PCDH15: variants seen among roughly 807,000 people sequenced by gnomAD.
The protein encoded by PCDH15 is protocadherin related 15.
In PCDH15, 129 loss-of-function variants were observed where a neutral mutation model predicts 178.5. That is an observed-to-expected ratio of 0.72 (90% CI 0.63 to 0.84). PCDH15 has a LOEUF of 0.84. Among genes scored for constraint, PCDH15 ranks in the 40% least tolerant of loss-of-function variants. The pLI, the probability that PCDH15 is intolerant of heterozygous loss-of-function variation, is 0.00. For synonymous variants in PCDH15, 800 were observed against 732.0 expected (o/e 1.09, Z -1.50); for missense variants, 2,230 against 2,099.9 (o/e 1.06, Z -1.21).
At chr10:55,022,980 C>A (rs1209365507) in intron 2 of PCDH15, among the ~76,000 whole-genome samples, 8 of 151,878 alleles carry the variant, frequency 5.3e-5, no homozygotes, top group Admixed American at 5.2e-4. Context: ...CTTGCTCTGT[C>A]GCCCAGGCTG....
chr10:55,367,137 C>G lies in PCDH15; in HGVS notation c.-155-200486G>C, dbSNP rs147175831. 4.4e-3 allele frequency among the ~76,000 whole-genome samples: 665 copies of G among 152,104 alleles called. 1 individual carries two copies. Among genetic ancestry groups the G allele is most frequent in the Non-Finnish European group, 7.4e-3 (503 of 67,984 alleles). ...GAGGTTTTCCCCTCTTCTTCCTTCC[C>G]TCTCCCATATTTTCTCATTTGGAGC... On this transcript the variant is annotated intron_variant, in intron 2 of 5. Transcript: ENST00000613346.
intron 1 of PCDH15, among the ~76,000 whole-genome samples, chr10:55,185,366 T>C (rs1365632626): frequency 2.0e-5 from 3 of 151,738 alleles, no homozygotes; most frequent in Admixed American, 2.0e-4. Flanking sequence ...TTATTGAAAC[T>C]TTCTATAAAC....
intron 2 of PCDH15, among the ~76,000 whole-genome samples, chr10:55,066,797 T>A (rs1014302779): frequency 9.3e-5 from 14 of 151,314 alleles, no homozygotes; most frequent in African/African-American, 3.1e-4. Flanking sequence ...TTTAATTTAT[T>A]AATTTATAAA....
chr10:55,494,367 A>C (rs1490561594), intron 2 of PCDH15, among the ~76,000 whole-genome samples: 1 of 151,708 alleles, frequency 6.6e-6, no homozygotes, highest in Non-Finnish European at 1.5e-5. Context: ...TGAGTCTAGA[A>C]TGTGTCCCCT....
intron 9 of PCDH15, among the ~76,000 whole-genome samples, chr10:54,230,823 C>T (rs1295623727): frequency 6.6e-6 from 1 of 152,024 alleles, no homozygotes. Flanking sequence ...TAACATATAT[C>T]TCATCTATAT....
chr10:54,638,771 A>G (rs1047414357), intron 2 of PCDH15, among the ~76,000 whole-genome samples: 1 of 152,302 alleles, frequency 6.6e-6, no homozygotes, highest in East Asian at 1.9e-4. Flanking sequence ...GACTGCAAAG[A>G]TATGGAATCA....
chr10:55,265,131 A>C (rs954997875), intron 1 of PCDH15, among the ~76,000 whole-genome samples: 1 of 151,994 alleles, frequency 6.6e-6, no homozygotes, highest in East Asian at 1.9e-4. Context: ...ACCCTAAAGA[A>C]GCCCCAGTCT....
intron 1 of PCDH15, among the ~76,000 whole-genome samples, chr10:54,693,202 T>C (rs780459923): frequency 2.6e-5 from 4 of 152,114 alleles, no homozygotes; most frequent in Non-Finnish European, 5.9e-5. Context: ...ATATTTCTCC[T>C]TACCCTTCTC....
intron 2 of PCDH15, among the ~76,000 whole-genome samples, chr10:55,607,806 A>C (rs1843262254): frequency 6.7e-6 from 1 of 148,992 alleles, no homozygotes; most frequent in African/African-American, 2.5e-5. Flanking sequence ...CTAGATGACA[A>C]GTTAGTGGGT....
At chr10:55,525,700 C>A (rs886918946) in intron 2 of PCDH15, among the ~76,000 whole-genome samples, 1 of 151,834 alleles carries the variant, frequency 6.6e-6, no homozygotes, top group Non-Finnish European at 1.5e-5. Context: ...ATTTGACAGA[C>A]AATGTAATTT....
chr10:54,100,136 G>A (rs1277182169), intron 15 of PCDH15, among the ~76,000 whole-genome samples: 4 of 152,082 alleles, frequency 2.6e-5, no homozygotes, highest in Admixed American at 2.6e-4. Flanking sequence ...GGGAGCCCAA[G>A]GCGGGCAGAT....
intron 32 of PCDH15, chr10:53,825,057 C>T: frequency 7.1e-7 from 1 of 1,412,752 alleles, no homozygotes; most frequent in Non-Finnish European, 9.3e-7. Context: ...ACTGTATTTA[C>T]AGTACAACAG....
At chr10:55,452,893 T>C (rs1420398846) in intron 2 of PCDH15, among the ~76,000 whole-genome samples, 1 of 152,150 alleles carries the variant, frequency 6.6e-6, no homozygotes, top group Non-Finnish European at 1.5e-5. Flanking sequence ...GTATATACTA[T>C]TTCTTAAATA....
At chr10:54,333,910 T>C (rs1271171472) in intron 6 of PCDH15, among the ~76,000 whole-genome samples, 1 of 152,214 alleles carries the variant, frequency 6.6e-6, no homozygotes, top group East Asian at 1.9e-4. Context: ...TAGAGATTTG[T>C]TCCACCAATG....
chr10:54,394,685 C>G (rs1950979658), intron 3 of PCDH15, among the ~76,000 whole-genome samples: 1 of 152,110 alleles, frequency 6.6e-6, no homozygotes, highest in Admixed American at 6.6e-5. Flanking sequence ...ATCAACTGGT[C>G]TGACCAAAAT....
intron 2 of PCDH15, among the ~76,000 whole-genome samples, chr10:55,120,967 C>A (rs555589279): frequency 1.3e-5 from 2 of 152,132 alleles, no homozygotes; most frequent in Non-Finnish European, 2.9e-5. Context: ...GGTGGGGCTG[C>A]CCTTTCCAAT....
At chr10:54,408,529 G>A (rs1474078858) in intron 3 of PCDH15, among the ~76,000 whole-genome samples, 1 of 152,210 alleles carries the variant, frequency 6.6e-6, no homozygotes, top group Non-Finnish European at 1.5e-5. Context: ...CTATCATTAT[G>A]TATGAGACAA....
chr10:55,044,035 C>T (rs1001492563), intron 2 of PCDH15, among the ~76,000 whole-genome samples: 1 of 152,112 alleles, frequency 6.6e-6, no homozygotes, highest in Non-Finnish European at 1.5e-5. Context: ...CAGCCACTAT[C>T]CATCAGCTAA....
intron 35 of PCDH15, among the ~76,000 whole-genome samples, chr10:53,812,383 A>AT (rs11322657): frequency 5.1e-4 from 75 of 147,160 alleles, no homozygotes; most frequent in African/African-American, 6.7e-4. Context: ...AAATTTTTGT[A>AT]TTTTTTTTTT....
Sources: gnomAD v4.1 joint callset for allele counts (sites outside exome capture counted in the v4.1 genomes callset) on GRCh38, gnomAD v4.1.1 for gene constraint, MANE v1.5 for transcripts, NCBI Gene and HGNC (gene_info 2026-07-23, HGNC 2026-07-21) for gene names.